SEMA5A: variants seen among roughly 807,000 people sequenced by gnomAD.
SEMA5A encodes the protein semaphorin-5A.
SEMA5A carries 55 observed loss-of-function variants against 135.5 expected under a neutral mutation model. That is an observed-to-expected ratio of 0.41 (90% CI 0.33 to 0.51). The LOEUF (loss-of-function observed/expected upper bound fraction) is 0.51, where lower values mean the gene tolerates loss of function less well. Among genes scored for constraint, SEMA5A ranks in the 20% least tolerant of loss-of-function variants. The pLI, the probability that SEMA5A is intolerant of heterozygous loss-of-function variation, is 0.37. For missense variants in SEMA5A, 1,290 were observed against 1,419.9 expected, an observed-to-expected ratio of 0.91 and a Z score of 1.47; for synonymous variants, 580 against 546.5, an observed-to-expected ratio of 1.06 and a Z score of -0.85.
At chr5:9,047,445 G>A (rs374538056) in intron 21 of SEMA5A, among the ~76,000 whole-genome samples, 98 of 152,272 alleles carry the variant, frequency 6.4e-4, no homozygotes, top group African/African-American at 2.3e-3. Flanking sequence ...GGGGAAAGTA[G>A]TGCCCATTAA....
At chr5:9,213,499 A>T (rs1040736651) in intron 8 of SEMA5A, among the ~76,000 whole-genome samples, 1 of 152,214 alleles carries the variant, frequency 6.6e-6, no homozygotes, top group African/African-American at 2.4e-5. Flanking sequence ...CATTAAGAAG[A>T]TGGCATTTGA....
chr5:9,154,087 A>ATGTG (rs1349420939), intron 12 of SEMA5A, among the ~76,000 whole-genome samples: 36 of 79,378 alleles, frequency 4.5e-4, no homozygotes, highest in East Asian at 4.1e-3. Context: ...ATATATATAT[A>ATGTG]TATATATGTG....
intron 1 of SEMA5A, among the ~76,000 whole-genome samples, chr5:9,531,756 G>T (rs1212002357): frequency 6.6e-6 from 1 of 152,154 alleles, no homozygotes; most frequent in African/African-American, 2.4e-5. Flanking sequence ...TCTACACACT[G>T]TCTTCCCAGG....
chr5:9,418,930 T>C (rs1034208711), intron 2 of SEMA5A, among the ~76,000 whole-genome samples: 2 of 152,236 alleles, frequency 1.3e-5, no homozygotes, highest in African/African-American at 4.8e-5. Flanking sequence ...CTTTCCTAGT[T>C]CCTTTAGGTA....
At chr5:9,198,134 T>C (rs1210887307) in intron 9 of SEMA5A, among the ~76,000 whole-genome samples, 2 of 152,152 alleles carry the variant, frequency 1.3e-5, no homozygotes, top group Non-Finnish European at 2.9e-5. Context: ...TTACATATAT[T>C]TTCTCTTGCT....
In SEMA5A at chr5:9,065,362, C is replaced by A. The variant is rs907522192; in HGVS notation, c.2299+1059G>T. 4.6e-5 allele frequency among the ~76,000 whole-genome samples: 7 copies of A among 152,180 alleles called. No individual in the cohort carries two copies. In the South Asian group the frequency reaches 1.5e-3, roughly 32 times the overall value. ...CAGAGCCACACTGTCTCAGAGCCTTCCCTGTGGCAACACCAAGGAGATCTA... is the reference window on the plus strand; with the variant it reads ...CAGAGCCACACTGTCTCAGAGCCTTACCTGTGGCAACACCAAGGAGATCTA... On this transcript the variant is annotated intron_variant, in intron 17 of 22. Coordinates refer to ENST00000382496, the MANE Select transcript of SEMA5A (RefSeq NM_003966.3).
chr5:9,486,080 C>T (rs1734702679), intron 1 of SEMA5A, among the ~76,000 whole-genome samples: 1 of 152,090 alleles, frequency 6.6e-6, no homozygotes, highest in African/African-American at 2.4e-5. Context: ...CCATGGAATA[C>T]TATGCAGCCA....
At chr5:9,471,149 A>C (rs1045998315) in intron 1 of SEMA5A, among the ~76,000 whole-genome samples, 1 of 152,116 alleles carries the variant, frequency 6.6e-6, no homozygotes, top group African/African-American at 2.4e-5. Flanking sequence ...CTAATTTAGG[A>C]ACCAGGAGAA....
intron 2 of SEMA5A, among the ~76,000 whole-genome samples, chr5:9,394,028 TA>T (rs1055311607): frequency 6.6e-6 from 1 of 151,732 alleles, no homozygotes; most frequent in South Asian, 2.1e-4. Context: ...TTACCGCCAA[TA>T]AAAAAACAAG....
At chr5:9,158,141 C>T (rs951051786) in intron 11 of SEMA5A, among the ~76,000 whole-genome samples, 4 of 152,034 alleles carry the variant, frequency 2.6e-5, no homozygotes, top group Non-Finnish European at 4.4e-5. Context: ...AGAAGTGTAG[C>T]CAGCCTGGAA....
At chr5:9,341,207 C>T (rs111424397) in intron 3 of SEMA5A, among the ~76,000 whole-genome samples, 1 of 145,552 alleles carries the variant, frequency 6.9e-6, no homozygotes, top group Non-Finnish European at 1.5e-5. Context: ...CACACACATA[C>T]ACACACACAC....
At chr5:9,463,081 A>G (rs759856903) in intron 1 of SEMA5A, among the ~76,000 whole-genome samples, 3 of 152,308 alleles carry the variant, frequency 2.0e-5, no homozygotes, top group Non-Finnish European at 2.9e-5. Flanking sequence ...GAAAAGAACA[A>G]TAAGGATGCA....
At chr5:9,078,820 G>A (rs1738213134) in intron 16 of SEMA5A, among the ~76,000 whole-genome samples, 1 of 151,878 alleles carries the variant, frequency 6.6e-6, no homozygotes, top group South Asian at 2.1e-4. Context: ...CATGTCCTTG[G>A]GAAACCATCT....
chr5:9,438,040 T>C (rs1421852841), intron 1 of SEMA5A, among the ~76,000 whole-genome samples, 188 bp from the exon 2 acceptor site: 1 of 152,220 alleles, frequency 6.6e-6, no homozygotes, highest in Non-Finnish European at 1.5e-5. Flanking sequence ...TTCAGGATCA[T>C]GTGCACTAAT....
chr5:9,352,987 G>A (rs2150754060), intron 3 of SEMA5A, among the ~76,000 whole-genome samples: 1 of 147,184 alleles, frequency 6.8e-6, no homozygotes, highest in East Asian at 2.0e-4. Flanking sequence ...ATGTATTACA[G>A]ATAATTAAAC....
At chr5:9,355,620 C>A (rs568772314) in intron 3 of SEMA5A, among the ~76,000 whole-genome samples, 6 of 152,120 alleles carry the variant, frequency 3.9e-5, no homozygotes, top group Admixed American at 1.3e-4. Context: ...CTAGAAATTG[C>A]AATGGAGAGG....
chr5:9,091,107 C>T (rs1359398611), intron 16 of SEMA5A, among the ~76,000 whole-genome samples: 6 of 152,160 alleles, frequency 3.9e-5, no homozygotes, highest in Non-Finnish European at 1.5e-5. Context: ...AACTCACAGT[C>T]ACCCCTACTC....
intron 2 of SEMA5A, among the ~76,000 whole-genome samples, chr5:9,430,845 T>G (rs988108705): frequency 1.3e-5 from 2 of 152,078 alleles, no homozygotes; most frequent in Admixed American, 6.5e-5. Flanking sequence ...TTTTTTGTTT[T>G]TTGTTTTTTT....
At chr5:9,322,281 CCTTCCAA>C (rs763140300) in intron 4 of SEMA5A, among the ~76,000 whole-genome samples, 52 of 152,152 alleles carry the variant, frequency 3.4e-4, no homozygotes, top group Non-Finnish European at 1.2e-4. Flanking sequence ...TACCTCTTCT[CCTTCCAA>C]ATACCTGAGA....
Sources: allele counts gnomAD v4.1 joint callset (sites outside exome capture counted in the v4.1 genomes callset), GRCh38; gene constraint gnomAD v4.1.1; transcripts MANE v1.5; gene names NCBI Gene and HGNC (gene_info 2026-07-23, HGNC 2026-07-21).